TMED3: variants seen among roughly 807,000 people sequenced by gnomAD.
TMED3 encodes transmembrane emp24 domain-containing protein 3.
A neutral mutation model predicts 15.0 loss-of-function variants in TMED3; 9 were observed. That is an observed-to-expected ratio of 0.60 (90% CI 0.36 to 1.04). The LOEUF is 1.04. TMED3 is among the 50% of genes least tolerant of loss of function. TMED3 has a pLI of 0.01. For missense variants in TMED3, 267 were observed against 278.9 expected (o/e 0.96, Z 0.30); for synonymous variants, 117 against 121.4 (o/e 0.96, Z 0.24).
intron 2 of TMED3, among the ~76,000 whole-genome samples, chr15:79,362,152 G>C (rs1376324661): frequency 6.6e-6 from 1 of 151,890 alleles, no homozygotes; most frequent in Non-Finnish European, 1.5e-5. Context: ...TTTTTGCGGG[G>C]GTACTTAACC....
At chr15:79,342,603 T>C (rs755960248) in intron 2 of TMED3, among the ~76,000 whole-genome samples, 1 of 152,186 alleles carries the variant, frequency 6.6e-6, no homozygotes, top group African/African-American at 2.4e-5. Context: ...AATCTAAAAT[T>C]GTTGCATGGT....
At chr15:79,343,708 G>A (rs1344332237) in intron 2 of TMED3, among the ~76,000 whole-genome samples, 1 of 152,160 alleles carries the variant, frequency 6.6e-6, no homozygotes, top group Non-Finnish European at 1.5e-5. Flanking sequence ...CAACCAACTG[G>A]AGAGGTGAAG....
intron 2 of TMED3, among the ~76,000 whole-genome samples, chr15:79,355,776 C>T (rs2058916590): frequency 6.6e-6 from 1 of 152,214 alleles, no homozygotes; most frequent in East Asian, 1.9e-4. Flanking sequence ...GCCTGACCCT[C>T]CACTGAATGG....
chr15:79,387,970 ATTAAC>A (rs997473459), intron 2 of TMED3, among the ~76,000 whole-genome samples: 28 of 152,246 alleles, frequency 1.8e-4, no homozygotes, highest in African/African-American at 5.8e-4. Flanking sequence ...AAATATTAAA[ATTAAC>A]TTTTAATGAT....
downstream of TMED3, among the ~76,000 whole-genome samples, chr15:79,323,281 A>G (rs186845495): frequency 1.0e-3 from 153 of 152,316 alleles, 1 homozygote; most frequent in African/African-American, 3.5e-3. Context: ...GAGGGAAGAT[A>G]CAGTGTCTCC....
rs997927232 is a variant in TMED3 at position 79,383,205 on chromosome 15, A to G, written c.418-28195A>G. 42 of 600,232 alleles carry G rather than the reference A, an allele frequency of 7.0e-5. No homozygotes were observed. The South Asian group carries it at 8.8e-4, about 13-fold the overall frequency. 37.2% of individuals were successfully genotyped at this position (600,232 alleles called of 1,614,324 possible). ...TACGTGGTAATCAGTATAGTCATTG[A>G]TCTTCAGGGACCATCCAGCTACCCG... is the stretch of plus-strand genomic sequence containing the variant. On this transcript the variant is annotated intron_variant, in intron 2 of 2. Coordinates refer to the TMED3 transcript ENST00000424155.
chr15:79,374,626 A>G (rs571609368), intron 2 of TMED3, among the ~76,000 whole-genome samples: 5 of 152,340 alleles, frequency 3.3e-5, no homozygotes, highest in South Asian at 2.1e-4. Flanking sequence ...GACGAAATGC[A>G]AGTACATTCT....
intron 2 of TMED3, among the ~76,000 whole-genome samples, chr15:79,359,744 TAAC>T (rs1438931290): frequency 6.6e-6 from 1 of 152,152 alleles, no homozygotes; most frequent in East Asian, 1.9e-4. Flanking sequence ...ATCAAAAAGT[TAAC>T]AATCAGCTGA....
At chr15:79,324,312 C>T (rs780582507), downstream of TMED3, among the ~76,000 whole-genome samples, 2 of 152,160 alleles carry the variant, frequency 1.3e-5, no homozygotes, top group Non-Finnish European at 2.9e-5. Context: ...ATTTTTAACA[C>T]TTAAGCTTTA....
chr15:79,371,921 C>T (rs780269386), intron 2 of TMED3, among the ~76,000 whole-genome samples: 1 of 152,142 alleles, frequency 6.6e-6, no homozygotes, highest in Non-Finnish European at 1.5e-5. Context: ...AAGCCTCTAC[C>T]ATAATTCTAC....
intron 2 of TMED3, among the ~76,000 whole-genome samples, chr15:79,338,244 C>T (rs906367417): frequency 2.0e-5 from 3 of 152,068 alleles, no homozygotes; most frequent in African/African-American, 7.2e-5. Context: ...TTTATCTGTG[C>T]AGTATTTTTT....
chr15:79,411,313 G>C, intron 2 of TMED3: 1 of 671,882 alleles, frequency 1.5e-6, no homozygotes, highest in Non-Finnish European at 2.7e-6. Flanking sequence ...AACAGAACTA[G>C]AGAATGCAAA....
chr15:79,314,442 C>T, intron 2 of TMED3: 1 of 422,852 alleles, frequency 2.4e-6, no homozygotes, highest in Admixed American at 2.6e-5. Flanking sequence ...AGTTTATTCT[C>T]ATGCATAATC....
intron 2 of TMED3, among the ~76,000 whole-genome samples, chr15:79,361,384 A>G (rs564077490): frequency 6.6e-6 from 1 of 152,338 alleles, no homozygotes; most frequent in East Asian, 1.9e-4. Flanking sequence ...TAAACATTCA[A>G]TATATACGAT....
chr15:79,384,602 G>C (rs1893598761), intron 2 of TMED3: 2 of 152,220 alleles, frequency 1.3e-5, no homozygotes, highest in Non-Finnish European at 2.9e-5. Context: ...TTCCCCTCTT[G>C]TCTACCATGT....
At chr15:79,329,127 T>G (rs1220869420) in intron 2 of TMED3, among the ~76,000 whole-genome samples, 1 of 152,216 alleles carries the variant, frequency 6.6e-6, no homozygotes, top group Non-Finnish European at 1.5e-5. Context: ...AATGAAGTTG[T>G]CAAGTATTAG....
intron 2 of TMED3, among the ~76,000 whole-genome samples, chr15:79,357,057 C>T (rs1295222323): frequency 2.0e-5 from 3 of 151,996 alleles, no homozygotes; most frequent in Non-Finnish European, 2.9e-5. Context: ...CAGTTATGAA[C>T]AAACATATAA....
intron 2 of TMED3, among the ~76,000 whole-genome samples, chr15:79,351,445 T>C (rs2058890624): frequency 1.3e-5 from 2 of 152,242 alleles, no homozygotes; most frequent in African/African-American, 4.8e-5. Context: ...AAAAAACCTT[T>C]AATTACCAGC....
At chr15:79,355,195 A>T (rs1052969123) in intron 2 of TMED3, among the ~76,000 whole-genome samples, 1 of 152,192 alleles carries the variant, frequency 6.6e-6, no homozygotes, top group Admixed American at 6.6e-5. Context: ...ACTGTGTACT[A>T]GACCAGGAAG....
Sources: gnomAD v4.1 joint callset for allele counts (sites outside exome capture counted in the v4.1 genomes callset) on GRCh38, gnomAD v4.1.1 for gene constraint, MANE v1.5 for transcripts, NCBI Gene and HGNC (gene_info 2026-07-23, HGNC 2026-07-21) for gene names.